The following NEK6 variants were observed in gnomAD, a reference collection of about 807,000 sequenced individuals.
NEK6 encodes serine/threonine-protein kinase Nek6.
NEK6 carries 27 observed loss-of-function variants against 43.5 expected under a neutral mutation model. That is an observed-to-expected ratio of 0.62 (90% confidence interval 0.46 to 0.86). The LOEUF (loss-of-function observed/expected upper bound fraction) is 0.86. Among genes scored for constraint, NEK6 ranks in the 40% least tolerant of loss-of-function variants. The pLI is 0.00. For missense variants in NEK6, 318 were observed against 414.4 expected (o/e 0.77, Z 2.02); for synonymous variants, 167 against 164.1 (o/e 1.02, Z -0.14).
intron 8 of NEK6, among the ~76,000 whole-genome samples, chr9:124,347,215 C>T (rs1829978772): frequency 6.6e-6 from 1 of 152,252 alleles, no homozygotes; most frequent in South Asian, 2.1e-4. Context: ...CTGGCAAGAA[C>T]AGCCACAGTG....
At chr9:124,328,646 G>A (rs1828797635) in intron 7 of NEK6, among the ~76,000 whole-genome samples, 1 of 152,246 alleles carries the variant, frequency 6.6e-6, no homozygotes, top group Admixed American at 6.5e-5. Flanking sequence ...AGAGACAGCA[G>A]CATTGTCTGG....
intron 1 of NEK6, among the ~76,000 whole-genome samples, chr9:124,300,812 T>C (rs1312587894): frequency 6.6e-6 from 1 of 152,124 alleles, no homozygotes; most frequent in African/African-American, 2.4e-5. Context: ...GGGGCTCCAT[T>C]CCTCAGGACT....
chr9:124,311,526 C>T (rs990011142), intron 2 of NEK6, among the ~76,000 whole-genome samples: 1 of 152,156 alleles, frequency 6.6e-6, no homozygotes, highest in African/African-American at 2.4e-5. Context: ...GTCCTGGGGT[C>T]CTCCTGGCCA....
intron 4 of NEK6, among the ~76,000 whole-genome samples, chr9:124,317,653 A>G (rs1277065590): frequency 6.6e-6 from 1 of 152,226 alleles, no homozygotes; most frequent in Non-Finnish European, 1.5e-5. Context: ...CCCAATGGGA[A>G]GTTTTTCAGC....
chr9:124,271,828 G>A (rs539464187), intron 1 of NEK6, among the ~76,000 whole-genome samples: 1 of 152,266 alleles, frequency 6.6e-6, no homozygotes, highest in Non-Finnish European at 1.5e-5. Flanking sequence ...GTTCTTGGCA[G>A]GGAGCAGATC....
chr9:124,334,653 G>A lies in NEK6; in HGVS notation c.623-4918G>A, dbSNP rs529591174. On this transcript the variant is annotated intron_variant, in intron 7 of 9. Transcript: ENST00000320246. ...ACGTTTGGGTCCTGCTGAGCAGCCG[G>A]CTCTCCCTGGCCAGGGGAGGGGACC... Among the ~76,000 whole-genome samples, 8 of 152,364 alleles carry A rather than the reference G, an allele frequency of 5.3e-5. No individual in the cohort carries two copies. In the East Asian group the frequency reaches 1.5e-3, roughly 29 times the overall value.
rs1830327747 is a variant in NEK6, at chr9:124,352,640, T to TCC, written c.*1696_*1697dup. 6.6e-6 allele frequency: 1 copy of TCC among 152,104 alleles called. No individual in the cohort carries two copies. The allele number at this position is 152,104 out of a possible 1,614,324, so 9.4% of individuals were successfully genotyped here. ...CCCTCATGAGGTAATTCCATCGTTC[T>TCC]CCCCAGCCTGCCCCTGGCAGCTGTA... is the stretch of plus-strand genomic sequence containing the variant. On this transcript the variant is annotated 3_prime_UTR_variant, in exon 10 of 10. Coordinates refer to ENST00000320246, the MANE Select transcript of NEK6 (RefSeq NM_014397.6).
chr9:124,272,553 G>A (rs1268042322), intron 1 of NEK6, among the ~76,000 whole-genome samples: 1 of 152,260 alleles, frequency 6.6e-6, no homozygotes. Flanking sequence ...TGAGGTCCCA[G>A]CACTCCCAGC....
intron 7 of NEK6, among the ~76,000 whole-genome samples, chr9:124,336,511 C>T (rs1346711012): frequency 6.6e-6 from 1 of 152,208 alleles, no homozygotes; most frequent in East Asian, 1.9e-4. Flanking sequence ...GGCCCGGTGC[C>T]TTCTGAGTCC....
intron 8 of NEK6, among the ~76,000 whole-genome samples, chr9:124,344,812 C>G (rs764272415): frequency 6.6e-6 from 1 of 152,210 alleles, no homozygotes; most frequent in Non-Finnish European, 1.5e-5. Flanking sequence ...AGCGAGACAG[C>G]GGACTCAAGG....
At chr9:124,305,604 T>C (rs1833217059) in intron 2 of NEK6, among the ~76,000 whole-genome samples, 2 of 151,850 alleles carry the variant, frequency 1.3e-5, no homozygotes, top group Non-Finnish European at 2.9e-5. Flanking sequence ...TGCTAACTGC[T>C]GTCAATTCAG....
chr9:124,338,486 G>A (rs1829405743), intron 7 of NEK6, among the ~76,000 whole-genome samples: 1 of 152,258 alleles, frequency 6.6e-6, no homozygotes, highest in Admixed American at 6.5e-5. Context: ...AGGTGTATGT[G>A]TTGGGATGAT....
Position 124,343,256 on chromosome 9 carries a change from G to C in NEK6, c.717+3591G>C, listed in dbSNP as rs1336500735. Among the ~76,000 whole-genome samples the C allele has an allele frequency of 1.3e-5, 2 of 150,058 alleles. No individual in the cohort carries two copies. Among genetic ancestry groups the C allele is most frequent in the Non-Finnish European group, 3.0e-5 (2 of 67,200 alleles). ...GGCGGTGAGGGGACGGATCGCAGCC[G>C]GGGGGTGGTACGGGGGATGGATCGC... On this transcript the variant is annotated intron_variant, in intron 8 of 9. Transcript: ENST00000320246. This position sits in a 1 kb window ranked among gnomAD's most constrained non-coding sequence, Gnocchi z 5.1.
At chr9:124,322,486 T>A (rs148497983) in intron 5 of NEK6, among the ~76,000 whole-genome samples, 1 of 152,172 alleles carries the variant, frequency 6.6e-6, no homozygotes, top group East Asian at 1.9e-4. Flanking sequence ...CCCGCCGTCC[T>A]CAAATAGCAA....
chr9:124,284,935 C>T (rs1564621890), intron 1 of NEK6, among the ~76,000 whole-genome samples: 2 of 152,226 alleles, frequency 1.3e-5, no homozygotes, highest in Non-Finnish European at 1.5e-5. Flanking sequence ...GGAATGCCCA[C>T]CTCATGGGGT....
At chr9:124,347,972 G>A (rs767686266) in intron 9 of NEK6, 150 bp downstream of exon 9, 14 of 535,534 alleles carry the variant, frequency 2.6e-5, no homozygotes, top group Non-Finnish European at 4.3e-5. Context: ...GACTTGGAGA[G>A]GGGAAAGTAG....
chr9:124,328,561 C>A (rs1276291284), intron 7 of NEK6, among the ~76,000 whole-genome samples: 1 of 152,186 alleles, frequency 6.6e-6, no homozygotes, highest in African/African-American at 2.4e-5. Flanking sequence ...CAGCTCATTT[C>A]CACCCCACTC....
At chr9:124,267,691 G>A (rs1397453619) in intron 1 of NEK6, among the ~76,000 whole-genome samples, 1 of 152,242 alleles carries the variant, frequency 6.6e-6, no homozygotes. Context: ...CTGGGACCCT[G>A]AAATGAGGAA....
At chr9:124,259,642 A>C in intron 1 of NEK6, 1 of 152,044 alleles carries the variant, frequency 6.6e-6, no homozygotes, top group East Asian at 1.9e-4. Context: ...CCCCAAATAA[A>C]ATATGCCTGT....
Sources: gnomAD v4.1 joint callset for allele counts (sites outside exome capture counted in the v4.1 genomes callset) on GRCh38, gnomAD v4.1.1 for gene constraint, Gnocchi (gnomAD v3.1) non-coding constraint, MANE v1.5 for transcripts, NCBI Gene and HGNC (gene_info 2026-07-23, HGNC 2026-07-21) for gene names.